Variants in ADCK2 observed in about 807,000 individuals in gnomAD.
ADCK2 encodes uncharacterized aarF domain-containing protein kinase 2.
In ADCK2, 37 loss-of-function variants were observed where a neutral mutation model predicts 52.3. The observed-to-expected ratio is 0.71, with a 90% CI of 0.54 to 0.93. ADCK2 has a LOEUF of 0.93. Among genes scored for constraint, ADCK2 ranks in the 40% least tolerant of loss-of-function variants. The pLI is 0.00. For missense variants in ADCK2, 695 were observed against 798.7 expected, an observed-to-expected ratio of 0.87 and a Z score of 1.56; for synonymous variants, 321 against 349.2, an observed-to-expected ratio of 0.92 and a Z score of 0.90.
intron 4 of ADCK2, among the ~76,000 whole-genome samples, chr7:140,686,694 G>A (rs566670768): frequency 4.1e-4 from 63 of 152,210 alleles, no homozygotes; most frequent in East Asian, 1.7e-3. Context: ...ACCCTCCTTC[G>A]TTGGCCTCCC....
Position 140,686,920 on chromosome 7 carries a change from ACTTT to A in ADCK2, c.1306-63_1306-60del, listed in dbSNP as rs1794612876. On this transcript the variant is annotated intron_variant, in intron 4 of 7. Transcript: ENST00000072869. ...GCTGGGAGCTTATTGTCACCTGGCA[ACTTT>A]CTTTCTCTGTAGGTTGGTGGTGCTC... is the stretch of plus-strand genomic sequence containing the variant. 1.9e-6 allele frequency: 3 copies of A among 1,573,660 alleles called. No individual in the cohort carries two copies. The South Asian group carries it at 3.5e-5, about 18-fold the overall frequency.
chr7:140,690,965 G>A (rs544360843), intron 7 of ADCK2, 152 bp downstream of exon 7: 24 of 737,128 alleles, frequency 3.3e-5, no homozygotes, highest in South Asian at 2.7e-4. Flanking sequence ...TCACTCTGTC[G>A]CCCAGGGTGG....
At chr7:140,692,807 G>T (rs1290226986) in intron 7 of ADCK2, among the ~76,000 whole-genome samples, 2 of 152,198 alleles carry the variant, frequency 1.3e-5, no homozygotes, top group African/African-American at 4.8e-5. Context: ...ATTTAATGTA[G>T]CCAGTAAGGT....
In ADCK2 at chr7:140,678,053, C is replaced by T. The variant is rs1297160142; in HGVS notation, c.1081-1102C>T. ...ATGCCATTCTAAGGAGTGCAGACTT[C>T]ACCATGCAGGTAATGGATTGGAGAG... On this transcript the variant is annotated intron_variant, in intron 2 of 7. Transcript: ENST00000072869. The surrounding 1 kb of genome is among the most constrained non-coding windows in gnomAD (Gnocchi z 4.9). 6.6e-6 allele frequency among the ~76,000 whole-genome samples: 1 copy of T among 152,142 alleles called. No homozygotes were observed. Among genetic ancestry groups the T allele is most frequent in the Non-Finnish European group, 1.5e-5 (1 of 68,026 alleles).
chr7:140,685,994 GTCC>G (rs1464229795), intron 4 of ADCK2, among the ~76,000 whole-genome samples: 3 of 152,170 alleles, frequency 2.0e-5, no homozygotes, highest in African/African-American at 4.8e-5. Context: ...TGAGAACTGT[GTCC>G]TCCTCCACAG....
At position 140,673,867 on chromosome 7, in the gene ADCK2, G is replaced by A; in HGVS notation, c.537G>A (p.Trp179Ter). The A allele has an allele frequency of 6.2e-7, 1 of 1,614,046 alleles. No homozygotes were observed. Among genetic ancestry groups the A allele is most frequent in the Non-Finnish European group, 8.5e-7 (1 of 1,180,042 alleles). ...KLHVRVTPHP[W>*]THTERFLRQA... The stretch of plus-strand genomic sequence containing the variant: ...ATGTCCGAGTGACGCCCCACCCGTG[G>A]ACTCACACTGAGCGCTTCCTTCGGC... Residue 179 changes from tryptophan to a stop codon, truncating the protein, a stop_gained, in exon 1 of 8, where the codon TGG (tryptophan) becomes TGA (stop). Transcript: ENST00000072869. LOFTEE classifies it high-confidence loss of function. This position sits in a 1 kb window ranked among gnomAD's most constrained non-coding sequence, Gnocchi z 6.4.
intron 4 of ADCK2, among the ~76,000 whole-genome samples, chr7:140,685,711 ATC>A (rs1477966704): frequency 2.6e-5 from 4 of 151,952 alleles, no homozygotes; most frequent in Non-Finnish European, 1.5e-5. Flanking sequence ...GGAAGAGGGG[ATC>A]TACAGTGCTT....
In ADCK2 at chr7:140,673,240, T is replaced by G. The variant is rs2130776011; in HGVS notation, c.-91T>G. On this transcript the variant is annotated 5_prime_UTR_variant, in exon 1 of 8. Transcript: ENST00000072869. The surrounding 1 kb of genome is among the most constrained non-coding windows in gnomAD (Gnocchi z 6.4). ...CAGATGGGCAGCTCCGTCCGCGGGG[T>G]CAGGGCCGGGCTTCGGCTTCACCGC... The G allele has an allele frequency of 8.7e-7, 1 of 1,149,546 alleles. No individual in the cohort carries two copies. Among genetic ancestry groups the G allele is most frequent in the South Asian group, 2.2e-5 (1 of 45,340 alleles). 71.2% of individuals were successfully genotyped at this position (1,149,546 alleles called of 1,614,324 possible).
chr7:140,676,675 A>G (rs1585842707), intron 2 of ADCK2, among the ~76,000 whole-genome samples: 1 of 152,320 alleles, frequency 6.6e-6, no homozygotes, highest in East Asian at 1.9e-4. Context: ...GGGTCTGGGT[A>G]TAGTGTGTGA....
chr7:140,673,268 C>T lies in ADCK2; in HGVS notation c.-63C>T. 1 of 1,363,112 alleles carries T rather than the reference C, an allele frequency of 7.3e-7. No homozygotes were observed. The highest frequency in any genetic ancestry group is 9.5e-7 in the Non-Finnish European group (1 of 1,049,018). 84.4% of individuals were successfully genotyped at this position (1,363,112 alleles called of 1,614,324 possible). ...GGGCCGGGCTTCGGCTTCACCGCAG[C>T]CTCGCCTGAGCGGGCGCCTCTGAAG... On this transcript the variant is annotated 5_prime_UTR_variant, in exon 1 of 8. Coordinates refer to ENST00000072869, the MANE Select transcript of ADCK2 (RefSeq NM_052853.4). The surrounding 1 kb of genome is among the most constrained non-coding windows in gnomAD (Gnocchi z 6.4).
chr7:140,687,181 G>A lies in ADCK2; in HGVS notation c.1497G>A (p.Glu499=). ...LVLLDAGIVA[E]LQAPDLRNFR... is the part of the protein sequence containing the mutation. The stretch of plus-strand genomic sequence containing the variant: ...TGCTGGATGCTGGCATTGTGGCGGA[G>A]CTGCAGGCCCCTGACCTGAGGAATT... The change falls in exon 5 of 8, where the codon GAG becomes GAA. Residue 499 remains glutamate (E), a synonymous_variant. Transcript: ENST00000072869. 1 of 1,598,696 alleles carries A rather than the reference G, an allele frequency of 6.3e-7. No homozygotes were observed. The highest frequency in any genetic ancestry group is 8.5e-7 in the Non-Finnish European group (1 of 1,171,938).
At chr7:140,692,008 C>T (rs565445357) in intron 7 of ADCK2, among the ~76,000 whole-genome samples, 1 of 152,226 alleles carries the variant, frequency 6.6e-6, no homozygotes, top group Non-Finnish European at 1.5e-5. Flanking sequence ...AGCTACTGCA[C>T]TCCAAGCACT....
At chr7:140,680,505 C>T (rs1366471677) in intron 3 of ADCK2, among the ~76,000 whole-genome samples, 5 of 151,650 alleles carry the variant, frequency 3.3e-5, no homozygotes, top group Non-Finnish European at 7.4e-5. Flanking sequence ...GCCCAGACCC[C>T]TATTGGCTGA....
chr7:140,684,594 G>T (rs1794573764), intron 4 of ADCK2, among the ~76,000 whole-genome samples: 1 of 152,184 alleles, frequency 6.6e-6, no homozygotes, highest in African/African-American at 2.4e-5. Context: ...TGTGGTGAGA[G>T]CCGGAGAATG....
intron 4 of ADCK2, among the ~76,000 whole-genome samples, chr7:140,685,955 C>A (rs1162821276): frequency 6.6e-5 from 10 of 152,190 alleles, no homozygotes; most frequent in Admixed American, 6.5e-4. Context: ...GTCCTTCCTG[C>A]TCCTCTAATT....
At chr7:140,677,720 A>G (rs983584217) in intron 2 of ADCK2, among the ~76,000 whole-genome samples, 2 of 152,212 alleles carry the variant, frequency 1.3e-5, no homozygotes, top group Admixed American at 6.5e-5. Context: ...CCTGGAAGCA[A>G]TGAACCTGAG....
Position 140,679,256 on chromosome 7 carries a change from C to A in ADCK2, c.1182C>A (p.Thr394=). The A allele has an allele frequency of 6.2e-7, 1 of 1,614,084 alleles. No homozygotes were observed. Among genetic ancestry groups the A allele is most frequent in the Non-Finnish European group, 8.5e-7 (1 of 1,180,004 alleles). The change falls in exon 3 of 8, where the codon ACC becomes ACA. Residue 394 remains threonine (T), a synonymous_variant. Coordinates refer to ENST00000072869, the MANE Select transcript of ADCK2 (RefSeq NM_052853.4). Reference sequence around the variant, plus strand: ...CCACCCCTCTGCGCCCCTTTGTCACCAGAGAAGTCTTGGTGGAAACGTATG... The same window carrying A: ...CCACCCCTCTGCGCCCCTTTGTCACAAGAGAAGTCTTGGTGGAAACGTATG... ...KFPTPLRPFV[T]REVLVETYEE...
chr7:140,694,998 A>G lies in ADCK2; in HGVS notation c.*195A>G. On this transcript the variant is annotated 3_prime_UTR_variant, in exon 8 of 8. Transcript: ENST00000072869. ...AGCTTTGGGCCAATTAGGGAGTAAAAGGAGGGAAGGGGCCTATCCATTCCA... is the reference window on the plus strand; with the variant it reads ...AGCTTTGGGCCAATTAGGGAGTAAAGGGAGGGAAGGGGCCTATCCATTCCA... 7.5e-7 allele frequency: 1 copy of G among 1,338,488 alleles called. No homozygotes were observed. Among genetic ancestry groups the G allele is most frequent in the East Asian group, 2.8e-5 (1 of 35,542 alleles). 82.9% of individuals were successfully genotyped at this position (1,338,488 alleles called of 1,614,324 possible).
At chr7:140,690,655 G>A (rs1794688401) in intron 6 of ADCK2, 105 bp from the exon 7 acceptor site, 7 of 994,662 alleles carry the variant, frequency 7.0e-6, no homozygotes, top group Middle Eastern at 2.7e-4. Context: ...GTGCCCTGGC[G>A]GGGGAGTGGG....
Sources: allele counts gnomAD v4.1 joint callset (sites outside exome capture counted in the v4.1 genomes callset), GRCh38; gene constraint gnomAD v4.1.1; non-coding constraint Gnocchi (gnomAD v3.1); transcripts MANE v1.5; gene names NCBI Gene and HGNC (gene_info 2026-07-23, HGNC 2026-07-21).